TSPEAR: variants seen among roughly 807,000 people sequenced by gnomAD.
The protein encoded by TSPEAR is thrombospondin type laminin G domain and EAR repeats.
Under a neutral mutation model 71.6 loss-of-function variants are expected in TSPEAR, and 69 were observed. The ratio of observed to expected loss-of-function variants is 0.96; its 90% CI spans 0.79 to 1.18. The LOEUF (loss-of-function observed/expected upper bound fraction) is 1.18, where lower values mean the gene tolerates loss of function less well. Among genes scored for constraint, TSPEAR ranks in the 50% most tolerant of loss-of-function variants. The probability of loss-of-function intolerance (pLI) is 0.00; values close to 1 mark genes in which losing one functional copy is unlikely to be tolerated. For synonymous variants in TSPEAR, 402 were observed against 387.2 expected, an observed-to-expected ratio of 1.04 and a Z score of -0.45; for missense variants, 971 against 894.9, an observed-to-expected ratio of 1.09 and a Z score of -1.09.
At chr21:44,621,092 G>A (rs1480163195) in intron 1 of TSPEAR, among the ~76,000 whole-genome samples, 1 of 152,182 alleles carries the variant, frequency 6.6e-6, no homozygotes, top group African/African-American at 2.4e-5. Flanking sequence ...CTAATCTGAA[G>A]AATGTCCCAT....
In TSPEAR at chr21:44,594,539, C is replaced by T. The variant is rs73907041; in HGVS notation, c.83-26534G>A. 9.3e-3 allele frequency among the ~76,000 whole-genome samples: 1,417 copies of T among 152,282 alleles called. 19 individuals carry two copies. Among genetic ancestry groups the T allele is most frequent in the African/African-American group, 0.032 (1,322 of 41,534 alleles). ...TCTAAGTCCATTCTTTGGATTTGGA[C>T]GGGTCAGTGTGTTTCTCACAACCGC... On this transcript the variant is annotated intron_variant, in intron 1 of 11. Coordinates refer to ENST00000323084, the MANE Select transcript of TSPEAR (RefSeq NM_144991.3).
At chr21:44,530,352 T>TCATC (rs2052942842) in intron 4 of TSPEAR, among the ~76,000 whole-genome samples, 1 of 151,442 alleles carries the variant, frequency 6.6e-6, no homozygotes, top group South Asian at 2.1e-4. Context: ...ATCCATGCAT[T>TCATC]CATCCATCCA....
At chr21:44,572,690 G>A (rs183443837) in intron 1 of TSPEAR, among the ~76,000 whole-genome samples, 26 of 152,036 alleles carry the variant, frequency 1.7e-4, no homozygotes, top group African/African-American at 5.8e-4. Context: ...TCCCTCAAAA[G>A]GTGCCGAAGT....
intron 1 of TSPEAR, among the ~76,000 whole-genome samples, chr21:44,653,425 C>T (rs1332384165): frequency 1.3e-5 from 2 of 152,164 alleles, no homozygotes; most frequent in African/African-American, 2.4e-5. Context: ...AGCTGAAACA[C>T]GGAGCCGGAA....
At chr21:44,637,496 T>A (rs781849423) in intron 1 of TSPEAR, 1 of 1,613,410 alleles carries the variant, frequency 6.2e-7, no homozygotes, top group South Asian at 1.1e-5. Flanking sequence ...AGAGAGCTGC[T>A]GCGAGCCCTG....
At chr21:44,629,851 C>T (rs1555935393) in intron 1 of TSPEAR, among the ~76,000 whole-genome samples, 1 of 152,202 alleles carries the variant, frequency 6.6e-6, no homozygotes, top group Non-Finnish European at 1.5e-5. Flanking sequence ...TCACTGGTCC[C>T]ACCGCAGGAG....
At chr21:44,545,182 G>A (rs1480299724) in intron 2 of TSPEAR, among the ~76,000 whole-genome samples, 1 of 152,032 alleles carries the variant, frequency 6.6e-6, no homozygotes, top group African/African-American at 2.4e-5. Context: ...GCCGGGCATG[G>A]TGGCAGCCGC....
At chr21:44,523,097 G>T (rs2052769323) in intron 8 of TSPEAR, among the ~76,000 whole-genome samples, 1 of 140,294 alleles carries the variant, frequency 7.1e-6, no homozygotes, top group East Asian at 1.9e-4. Context: ...CAGCCAGCCA[G>T]CCAGCCAATT....
intron 1 of TSPEAR, chr21:44,601,285 T>A (rs1569212997): frequency 2.5e-6 from 4 of 1,608,486 alleles, no homozygotes; most frequent in Admixed American, 1.7e-5. Flanking sequence ...CTGCACCTCC[T>A]CCCCTTGCCA....
intron 1 of TSPEAR, among the ~76,000 whole-genome samples, chr21:44,643,468 C>T (rs1462438331): frequency 2.6e-5 from 4 of 152,222 alleles, no homozygotes; most frequent in Non-Finnish European, 5.9e-5. Context: ...TTAGCTTGAC[C>T]GTGGTAATCA....
chr21:44,610,094 T>C (rs587654285), intron 1 of TSPEAR, among the ~76,000 whole-genome samples: 1 of 152,276 alleles, frequency 6.6e-6, no homozygotes, highest in South Asian at 2.1e-4. Flanking sequence ...TTCAGTTTTA[T>C]AATGAAAGCA....
chr21:44,636,653 C>T (rs924192812), intron 1 of TSPEAR, among the ~76,000 whole-genome samples: 8 of 152,184 alleles, frequency 5.3e-5, no homozygotes, highest in African/African-American at 1.4e-4. Context: ...CCACTCTCCA[C>T]GCAACCCTCA....
At chr21:44,572,068 G>A (rs1408053712) in intron 1 of TSPEAR, among the ~76,000 whole-genome samples, 11 of 152,226 alleles carry the variant, frequency 7.2e-5, no homozygotes, top group East Asian at 1.9e-4. Context: ...GGCCGCGGCC[G>A]TGTCACCTCC....
At chr21:44,661,465 G>A (rs912297608) in intron 1 of TSPEAR, among the ~76,000 whole-genome samples, 23 of 152,100 alleles carry the variant, frequency 1.5e-4, no homozygotes, top group African/African-American at 1.2e-4. Flanking sequence ...ATGAAGTGGC[G>A]TCATATTACC....
Position 44,572,348 on chromosome 21 carries a change from G to C in TSPEAR, c.83-4343C>G, listed in dbSNP as rs78906364. Reference sequence around the variant, plus strand: ...ACCGTCCTGGCTGAGAAGAAACAGAGCAGCGCTGCTTTCTCAGAGCTGGGA... The same window carrying C: ...ACCGTCCTGGCTGAGAAGAAACAGACCAGCGCTGCTTTCTCAGAGCTGGGA... On this transcript the variant is annotated intron_variant, in intron 1 of 11. Coordinates refer to ENST00000323084, the MANE Select transcript of TSPEAR (RefSeq NM_144991.3). Among the ~76,000 whole-genome samples, 106 of 152,306 alleles carry C rather than the reference G, an allele frequency of 7.0e-4. 1 individual carries two copies. Among genetic ancestry groups the C allele is most frequent in the Middle Eastern group, 3.4e-3 (1 of 294 alleles).
intron 2 of TSPEAR, chr21:44,551,402 C>T (rs188340501): frequency 6.7e-5 from 108 of 1,613,364 alleles, no homozygotes; most frequent in Admixed American, 3.3e-4. Context: ...GGCAGTCGTC[C>T]ACCTGCCAGG....
chr21:44,703,382 A>G (rs1315221251), intron 1 of TSPEAR, among the ~76,000 whole-genome samples: 1 of 152,176 alleles, frequency 6.6e-6, no homozygotes, highest in Non-Finnish European at 1.5e-5. Flanking sequence ...GATGTCTCTG[A>G]TGGCACATCT....
intron 1 of TSPEAR, chr21:44,646,470 C>T (rs782782195): frequency 3.7e-5 from 59 of 1,612,072 alleles, no homozygotes; most frequent in Non-Finnish European, 4.7e-5. Flanking sequence ...TGGCCGCGTC[C>T]ACCATGTCTG....
intron 2 of TSPEAR, among the ~76,000 whole-genome samples, chr21:44,536,515 A>G (rs1205028138): frequency 2.0e-5 from 3 of 152,258 alleles, no homozygotes; most frequent in South Asian, 2.1e-4. Context: ...ATGAAAATTC[A>G]TAGCAAAAAG....
Sources: allele counts gnomAD v4.1 joint callset (sites outside exome capture counted in the v4.1 genomes callset), GRCh38; gene constraint gnomAD v4.1.1; transcripts MANE v1.5; gene names NCBI Gene and HGNC (gene_info 2026-07-23, HGNC 2026-07-21).